PARP12: variants seen among roughly 807,000 people sequenced by gnomAD.
PARP12 encodes the protein poly(ADP-ribose) polymerase family member 12, also known as protein mono-ADP-ribosyltransferase PARP12.
PARP12 carries 59 observed loss-of-function variants against 72.4 expected under a neutral mutation model. That is an observed-to-expected ratio of 0.81 (90% confidence interval 0.66 to 1.01). PARP12 has a LOEUF of 1.01. Ranked by LOEUF, PARP12 falls within the 50% of genes least tolerant of loss-of-function variation. PARP12 has a pLI of 0.00. For missense variants in PARP12, 851 were observed against 914.0 expected (o/e 0.93, Z 0.89); for synonymous variants, 403 against 371.4 (o/e 1.09, Z -0.98).
chr7:140,033,289 A>G (rs922964541), intron 8 of PARP12: 6 of 985,450 alleles, frequency 6.1e-6, no homozygotes, highest in East Asian at 1.1e-4. Flanking sequence ...GTGGACTGAT[A>G]ATACCTTTCT....
In PARP12 at chr7:140,024,752, C is replaced by T. The variant is rs765311346; in HGVS notation, c.1914G>A (p.Pro638=). Reference sequence around the variant, plus strand: ...AGGCGTTGCTCCAGCCCTCCTTGGCCGGCGGACGGACAAAGGAGGCATTGC... The same window carrying T: ...AGGCGTTGCTCCAGCCCTCCTTGGCTGGCGGACGGACAAAGGAGGCATTGC... ...VRGNASFVRP[P]AKEGWSNAFY... is the part of the protein sequence containing the mutation. The change falls in exon 12 of 12, where the codon CCG becomes CCA. Residue 638 remains proline (P), a synonymous_variant. Coordinates refer to ENST00000263549, the MANE Select transcript of PARP12 (RefSeq NM_022750.4). 84 of 1,614,058 alleles carry T rather than the reference C, an allele frequency of 5.2e-5. No homozygotes were observed. Among genetic ancestry groups the T allele is most frequent in the Admixed American group, 5.2e-4 (31 of 59,996 alleles).
chr7:140,038,159 C>T, intron 6 of PARP12: 1 of 985,426 alleles, frequency 1.0e-6, no homozygotes, highest in Non-Finnish European at 1.2e-6. Context: ...GACACGGCAG[C>T]CATTCAAATG....
chr7:140,037,375 T>C (rs1816248314), intron 7 of PARP12, among the ~76,000 whole-genome samples: 1 of 152,242 alleles, frequency 6.6e-6, no homozygotes. Flanking sequence ...AGGCAGACAC[T>C]GCACGACGGA....
intron 5 of PARP12, among the ~76,000 whole-genome samples, chr7:140,045,684 G>A (rs1816687153): frequency 6.6e-6 from 1 of 151,968 alleles, no homozygotes; most frequent in East Asian, 1.9e-4. Flanking sequence ...AACTAGTAAA[G>A]GGAAAAAACC....
At chr7:140,037,661 G>C (rs775868270) in intron 7 of PARP12, 54 bp downstream of exon 7, 5 of 1,601,160 alleles carry the variant, frequency 3.1e-6, no homozygotes, top group Admixed American at 3.4e-5. Flanking sequence ...TTAAGGTGTA[G>C]GGACAGAGCC....
chr7:140,056,940 T>C lies in PARP12; in HGVS notation c.676A>G (p.Ile226Val), dbSNP rs779425750. 1.1e-5 allele frequency: 17 copies of C among 1,614,134 alleles called. No homozygotes were observed. Among genetic ancestry groups the C allele is most frequent in the Non-Finnish European group, 1.3e-5 (15 of 1,180,036 alleles). The part of the protein sequence containing the change: ...SSDLVSRLPT[I>V]YRNAHDIKNK... ...TTGATGTCATGTGCATTTCTATAAA[T>C]GGTAGGCAGCCTGCTCACCAGGTCT... The change falls in exon 3 of 12, where the codon ATT (isoleucine) becomes GTT (valine). Residue 226 changes from isoleucine to valine, a missense_variant. Physicochemically the swap from Ile to Val is conservative, Grantham distance 29. Coordinates refer to ENST00000263549, the MANE Select transcript of PARP12 (RefSeq NM_022750.4).
intron 5 of PARP12, among the ~76,000 whole-genome samples, chr7:140,043,986 G>A (rs1194214095): frequency 1.3e-5 from 2 of 152,150 alleles, no homozygotes; most frequent in African/African-American, 2.4e-5. Context: ...GAAGTTAGAA[G>A]ACATAAAAGA....
intron 4 of PARP12, among the ~76,000 whole-genome samples, chr7:140,051,411 G>A (rs901337231): frequency 1.4e-4 from 20 of 146,598 alleles, no homozygotes; most frequent in African/African-American, 4.1e-4. Context: ...TTTTTTTTTA[G>A]ACAGAGTTTC....
chr7:140,028,840 G>T (rs140053308), intron 8 of PARP12, 152 bp from the exon 9 acceptor site: 6 of 599,048 alleles, frequency 1.0e-5, no homozygotes, highest in Non-Finnish European at 1.7e-5. Flanking sequence ...ATGTTAGCAC[G>T]ATATTCACAA....
At position 140,027,344 on chromosome 7, in the gene PARP12, C is replaced by T. The variant is rs758467201; in HGVS notation, c.1560G>A (p.Thr520=). 1.9e-6 allele frequency: 3 copies of T among 1,614,028 alleles called. No homozygotes were observed. Among genetic ancestry groups the T allele is most frequent in the Non-Finnish European group, 1.7e-6 (2 of 1,179,952 alleles). ...YQKVWNLFNR[T]LPFYFVQKIE... ...TCTTCTGAACAAAGTAGAAAGGCAG[C>T]GTGCGGTTAAAGAGGTTCCAGACCT... is the stretch of plus-strand genomic sequence containing the variant. The change falls in exon 10 of 12, where the codon ACG becomes ACA. Residue 520 remains threonine (T), a synonymous_variant. Coordinates refer to ENST00000263549, the MANE Select transcript of PARP12 (RefSeq NM_022750.4).
At chr7:140,039,288 GCT>G (rs1365021090) in intron 6 of PARP12, among the ~76,000 whole-genome samples, 1 of 152,230 alleles carries the variant, frequency 6.6e-6, no homozygotes, top group Non-Finnish European at 1.5e-5. Context: ...AGGAAATGAA[GCT>G]CTGAGTCAGG....
Position 140,028,700 on chromosome 7 carries a change from T to G in PARP12, c.1422-12A>C. On this transcript the variant is annotated splice_polypyrimidine_tract_variant and intron_variant, in intron 8 of 11. Coordinates refer to ENST00000263549, the MANE Select transcript of PARP12 (RefSeq NM_022750.4). ...GAAACTTGGTATTGCTACAAAAATG[T>G]AAACAAAAACACGTAGACATTTTAT... The G allele has an allele frequency of 6.3e-7, 1 of 1,590,212 alleles. No homozygotes were observed. The highest frequency in any genetic ancestry group is 2.3e-5 in the East Asian group (1 of 44,216).
chr7:140,036,002 A>G (rs13307636), intron 7 of PARP12, among the ~76,000 whole-genome samples: 1,099 of 16,708 alleles, frequency 0.066, 3 homozygotes, highest in East Asian at 0.12. Context: ...GGAGGAGGAG[A>G]AGGAGGAGAA....
rs144564353 is a variant in PARP12 at position 140,055,726 on chromosome 7, A to G, written c.761-963T>C. 2.8e-3 allele frequency among the ~76,000 whole-genome samples: 428 copies of G among 152,358 alleles called. 5 individuals are homozygous for G. The Middle Eastern group carries it at 0.037, about 13-fold the overall frequency. ...GTATTCAAGGCTGTAAGATACTCCT[A>G]AAGATCTATTTAATACAAAACCTGT... On this transcript the variant is annotated intron_variant, in intron 3 of 11. Coordinates refer to ENST00000263549, the MANE Select transcript of PARP12 (RefSeq NM_022750.4).
intron 10 of PARP12, 32 bp downstream of exon 10, chr7:140,027,244 C>T: frequency 6.2e-7 from 1 of 1,606,334 alleles, no homozygotes; most frequent in Admixed American, 1.7e-5. Context: ...GGGACAGAGT[C>T]ACCAGCCCAC....
intron 1 of PARP12, among the ~76,000 whole-genome samples, chr7:140,061,940 C>G (rs1280539322): frequency 2.1e-5 from 3 of 141,796 alleles, no homozygotes; most frequent in African/African-American, 8.1e-5. Flanking sequence ...GCATTCCAGG[C>G]AGAGCAAAGA....
At position 140,062,921 on chromosome 7, in the gene PARP12, C is replaced by T; in HGVS notation, c.-74G>A. Reference sequence around the variant, plus strand: ...GCGGCGGACGCTGGCTGGCGGGCGGCTCTCGCAGGGTGGAGACGCCGGCGG... The same window carrying T: ...GCGGCGGACGCTGGCTGGCGGGCGGTTCTCGCAGGGTGGAGACGCCGGCGG... On this transcript the variant is annotated 5_prime_UTR_variant, in exon 1 of 12. Transcript: ENST00000263549. The T allele has an allele frequency of 8.5e-7, 1 of 1,177,996 alleles. No individual in the cohort carries two copies. The highest frequency in any genetic ancestry group is 1.1e-6 in the Non-Finnish European group (1 of 944,714). The allele number at this position is 1,177,996 out of a possible 1,614,324, so 73.0% of individuals were successfully genotyped here. A position where few individuals can be genotyped will look rare whatever the true frequency, so the allele number is the denominator to read the frequency against.
At position 140,034,334 on chromosome 7, in the gene PARP12, GA is replaced by G. The variant is rs771362104; in HGVS notation, c.1325-4del. ...GACCAGGTTTTTCTGAACGAAGGCT[GA>G]AAAAAAACATAACCAGTGAAAAAAT... is the stretch of plus-strand genomic sequence containing the variant. On this transcript the variant is annotated splice_polypyrimidine_tract_variant and splice_region_variant and intron_variant, in intron 7 of 11. Coordinates refer to ENST00000263549, the MANE Select transcript of PARP12 (RefSeq NM_022750.4). The G allele has an allele frequency of 5.6e-6, 9 of 1,602,938 alleles. No homozygotes were observed. Among genetic ancestry groups the G allele is most frequent in the East Asian group, 2.2e-5 (1 of 44,558 alleles).
rs749922504 is a variant in PARP12 at position 140,056,914 on chromosome 7, C to A, written c.702G>T (p.Lys234Asn). 6.2e-7 allele frequency: 1 copy of A among 1,613,716 alleles called. No homozygotes were observed. The highest frequency in any genetic ancestry group is 8.5e-7 in the Non-Finnish European group (1 of 1,180,032). The change falls in exon 3 of 12, where the codon AAG (lysine) becomes AAT (asparagine). Residue 234 changes from lysine to asparagine, a missense_variant. Lys to Asn is a moderately conservative substitution (Grantham distance 94). Around this residue, in one of 3 missense-constraint regions of PARP12, gnomAD observed 492 missense variants for 489.3 expected, o/e 1.01. Coordinates refer to ENST00000263549, the MANE Select transcript of PARP12 (RefSeq NM_022750.4). ...PTIYRNAHDI[K>N]NKSSAPSRVP... Reference sequence around the variant, plus strand: ...CTCTGCTGGGGGCAGAGCTCTTATTCTTGATGTCATGTGCATTTCTATAAA... The same window carrying A: ...CTCTGCTGGGGGCAGAGCTCTTATTATTGATGTCATGTGCATTTCTATAAA...
Sources: gnomAD v4.1 joint callset for allele counts (sites outside exome capture counted in the v4.1 genomes callset) on GRCh38, gnomAD v4.1.1 for gene constraint, gnomAD v4.1.1 regional missense constraint, MANE v1.5 for transcripts, NCBI Gene and HGNC (gene_info 2026-07-23, HGNC 2026-07-21) for gene names.